E2F6: variants seen among roughly 807,000 people sequenced by gnomAD.
The protein encoded by E2F6 is E2F transcription factor 6, also known as transcription factor E2F6.
In E2F6, 19 loss-of-function variants were observed where a neutral mutation model predicts 31.5. The ratio of observed to expected loss-of-function variants is 0.60; its 90% confidence interval spans 0.42 to 0.89. The LOEUF (loss-of-function observed/expected upper bound fraction) is 0.89, where lower values mean the gene tolerates loss of function less well. Among genes scored for constraint, E2F6 ranks in the 40% least tolerant of loss-of-function variants. The pLI is 0.00. For synonymous variants in E2F6, 121 were observed against 127.7 expected, an observed-to-expected ratio of 0.95 and a Z score of 0.36; for missense variants, 269 against 341.6, an observed-to-expected ratio of 0.79 and a Z score of 1.67.
intron 1 of E2F6, chr2:11,458,265 C>G: frequency 6.4e-7 from 1 of 1,551,722 alleles, no homozygotes; most frequent in Non-Finnish European, 8.7e-7. Flanking sequence ...GGGATACACC[C>G]AGACAGGGAA....
chr2:11,451,182 C>T (rs1235736285), intron 4 of E2F6: 3 of 152,366 alleles, frequency 2.0e-5, no homozygotes, highest in East Asian at 1.9e-4. Context: ...AGTATTCAGA[C>T]TATAAAAATG....
rs749539757 is a variant in E2F6, at chr2:11,451,627, A to T, written c.536+24T>A. 3.2e-6 allele frequency: 5 copies of T among 1,578,474 alleles called. No individual in the cohort carries two copies. In the African/African-American group the frequency reaches 6.9e-5, roughly 22 times the overall value. On this transcript the variant is annotated intron_variant, in intron 4 of 6. Coordinates refer to ENST00000381525, the MANE Select transcript of E2F6 (RefSeq NM_198256.4). ...ATCTGTTTTGGAAGCAGAAATTTTA[A>T]AAAGGTATAGACTTAAAGGATATCT... is the stretch of plus-strand genomic sequence containing the variant.
intron 6 of E2F6, among the ~76,000 whole-genome samples, chr2:11,446,807 C>G (rs539886551): frequency 3.2e-4 from 48 of 152,326 alleles, no homozygotes; most frequent in African/African-American, 1.1e-3. Context: ...CACGACTCCC[C>G]CAGTCTTCGT....
rs180850257 is a variant in E2F6 at position 11,462,370 on chromosome 2, T to C, written c.108+3402A>G. The stretch of plus-strand genomic sequence containing the variant: ...TAACATTTAATTTATAGATCGGGCA[T>C]AGTAAGAGATTAACAGCTAATAATA... On this transcript the variant is annotated intron_variant, in intron 1 of 6. Transcript: ENST00000381525. 2.2e-3 allele frequency among the ~76,000 whole-genome samples: 332 copies of C among 152,332 alleles called. 1 individual carries two copies. The highest frequency in any genetic ancestry group is 3.8e-3 in the Non-Finnish European group (260 of 68,032).
chr2:11,461,266 T>G (rs1368707937), intron 1 of E2F6, among the ~76,000 whole-genome samples: 4 of 151,554 alleles, frequency 2.6e-5, no homozygotes, highest in Non-Finnish European at 4.4e-5. Flanking sequence ...CATCCAAACT[T>G]GCAGGACCCC....
chr2:11,463,668 G>A (rs1379027788), intron 1 of E2F6, among the ~76,000 whole-genome samples: 3 of 152,130 alleles, frequency 2.0e-5, no homozygotes, highest in Admixed American at 6.6e-5. Context: ...ATACCAACAT[G>A]TGGCCAGCTG....
rs1217352095 is a variant in E2F6 at position 11,450,120 on chromosome 2, T to C, written c.543A>G (p.Ala181=). 7 of 1,608,836 alleles carry C rather than the reference T, an allele frequency of 4.4e-6. No homozygotes were observed. Among genetic ancestry groups the C allele is most frequent in the African/African-American group, 1.3e-5 (1 of 74,758 alleles). The change falls in exon 5 of 7, where the codon GCA becomes GCG. Residue 181 remains alanine, a synonymous_variant. Coordinates refer to ENST00000381525, the MANE Select transcript of E2F6 (RefSeq NM_198256.4). ...TATGAATGTCTTGATAGGTCACATA[T>C]GCTAGTGTAAAACTCAGTCAAGGAT... The part of the protein sequence containing the change: ...LTDDKENERL[A]YVTYQDIHSI...
chr2:11,466,141 T>G lies in E2F6; in HGVS notation c.-262A>C. On this transcript the variant is annotated 5_prime_UTR_variant, in exon 1 of 7. Coordinates refer to ENST00000381525, the MANE Select transcript of E2F6 (RefSeq NM_198256.4). ...ATCTCAAGTCGCCCGGCCCGCCATCTTCCCGCATGCGCAGTACACCGCCCC... is the reference window on the plus strand; with the variant it reads ...ATCTCAAGTCGCCCGGCCCGCCATCGTCCCGCATGCGCAGTACACCGCCCC... 24 of 426,962 alleles carry G rather than the reference T, an allele frequency of 5.6e-5. No homozygotes were observed. The highest frequency in any genetic ancestry group is 1.4e-4 in the East Asian group (3 of 21,918). 26.4% of individuals were successfully genotyped at this position (426,962 alleles called of 1,614,324 possible).
intron 1 of E2F6, among the ~76,000 whole-genome samples, chr2:11,463,116 G>A (rs1297588860): frequency 1.3e-5 from 2 of 152,138 alleles, no homozygotes; most frequent in African/African-American, 4.8e-5. Context: ...TTTTTATCAC[G>A]TTCTCAAATA....
intron 2 of E2F6, among the ~76,000 whole-genome samples, chr2:11,456,453 A>G (rs1164249369): frequency 6.6e-6 from 1 of 152,204 alleles, no homozygotes; most frequent in East Asian, 1.9e-4. Flanking sequence ...CTCTTGCGTC[A>G]GAGAGGTAAG....
intron 1 of E2F6, among the ~76,000 whole-genome samples, chr2:11,458,718 C>T (rs1469115572): frequency 6.6e-6 from 1 of 152,224 alleles, no homozygotes; most frequent in Non-Finnish European, 1.5e-5. Flanking sequence ...ATATCCTCGG[C>T]ACAATGATTT....
At chr2:11,462,501 T>A (rs975626687) in intron 1 of E2F6, among the ~76,000 whole-genome samples, 20 of 152,234 alleles carry the variant, frequency 1.3e-4, no homozygotes, top group Non-Finnish European at 2.2e-4. Flanking sequence ...AATAAGATTT[T>A]TTTTCTTTCC....
intron 1 of E2F6, among the ~76,000 whole-genome samples, chr2:11,461,401 G>A (rs1671771504): frequency 6.6e-6 from 1 of 152,058 alleles, no homozygotes; most frequent in Non-Finnish European, 1.5e-5. Context: ...GCCCAAGCTG[G>A]AGTGCAGTGG....
intron 2 of E2F6, among the ~76,000 whole-genome samples, chr2:11,454,352 C>CTTTT (rs535824786): frequency 7.1e-6 from 1 of 140,526 alleles, no homozygotes; most frequent in African/African-American, 2.6e-5. Flanking sequence ...GTATCTCTCT[C>CTTTT]TTTTTTTTTT....
In E2F6 at chr2:11,462,483, G is replaced by A. The variant is rs112189297; in HGVS notation, c.108+3289C>T. ...AATATCTTATACTGTAGATCTTAGC[G>A]ACCTCAGAATAAGATTTTTTTTCTT... On this transcript the variant is annotated intron_variant, in intron 1 of 6. Transcript: ENST00000381525. 1.7e-3 allele frequency among the ~76,000 whole-genome samples: 255 copies of A among 152,216 alleles called. 2 individuals carry two copies. The highest frequency in any genetic ancestry group is 5.9e-3 in the African/African-American group (245 of 41,522).
intron 1 of E2F6, among the ~76,000 whole-genome samples, chr2:11,462,575 T>C (rs1309351910): frequency 2.0e-5 from 3 of 152,196 alleles, no homozygotes; most frequent in Non-Finnish European, 2.9e-5. Flanking sequence ...CTCTTCAGCA[T>C]ACTGGAAGCA....
At chr2:11,446,864 C>T (rs904269053) in intron 6 of E2F6, among the ~76,000 whole-genome samples, 1 of 152,238 alleles carries the variant, frequency 6.6e-6, no homozygotes, top group Non-Finnish European at 1.5e-5. Context: ...CAACAGCCCC[C>T]TCTTCTGGTC....
intron 1 of E2F6, among the ~76,000 whole-genome samples, chr2:11,463,513 T>G (rs1360237125): frequency 6.6e-6 from 1 of 152,212 alleles, no homozygotes; most frequent in East Asian, 1.9e-4. Flanking sequence ...CAAAGTTATA[T>G]TCAGATTTTG....
At chr2:11,460,033 G>A (rs1671677507) in intron 1 of E2F6, among the ~76,000 whole-genome samples, 1 of 152,020 alleles carries the variant, frequency 6.6e-6, no homozygotes, top group Non-Finnish European at 1.5e-5. Flanking sequence ...CATCTTCTGG[G>A]GCAAGTCAGC....
Sources: allele counts gnomAD v4.1 joint callset (sites outside exome capture counted in the v4.1 genomes callset), GRCh38; gene constraint gnomAD v4.1.1; transcripts MANE v1.5; gene names NCBI Gene and HGNC (gene_info 2026-07-23, HGNC 2026-07-21).